Variants in TBC1D23 observed in about 807,000 individuals in gnomAD.
TBC1D23 encodes TBC1 domain family member 23.
A neutral mutation model predicts 91.4 loss-of-function variants in TBC1D23; 55 were observed. The observed-to-expected ratio is 0.60, with a 90% CI of 0.48 to 0.75. TBC1D23 has a LOEUF of 0.75. Ranked by LOEUF, TBC1D23 falls within the 30% of genes least tolerant of loss-of-function variation. TBC1D23 has a pLI of 0.00. For synonymous variants in TBC1D23, 289 were observed against 281.0 expected (o/e 1.03, Z -0.28); for missense variants, 725 against 836.1 (o/e 0.87, Z 1.64).
At chr3:100,312,552 A>G (rs1041124245) in intron 15 of TBC1D23, among the ~76,000 whole-genome samples, 15 of 152,188 alleles carry the variant, frequency 9.9e-5, no homozygotes, top group Admixed American at 2.6e-4. Context: ...TTTAAGGTTT[A>G]AAAATCTACT....
At chr3:100,262,167 T>TA (rs1178694640) in intron 1 of TBC1D23, among the ~76,000 whole-genome samples, 2 of 152,130 alleles carry the variant, frequency 1.3e-5, no homozygotes, top group Non-Finnish European at 2.9e-5. Flanking sequence ...GTGATCTAGA[T>TA]ATAGTTTTTT....
intron 1 of TBC1D23, among the ~76,000 whole-genome samples, chr3:100,278,125 A>G (rs1470951825): frequency 1.3e-5 from 2 of 152,306 alleles, no homozygotes; most frequent in East Asian, 1.9e-4. Context: ...TTAGATGCCT[A>G]TCAGTGGGGA....
At chr3:100,286,674 T>C (rs1303152839) in intron 4 of TBC1D23, among the ~76,000 whole-genome samples, 1 of 152,038 alleles carries the variant, frequency 6.6e-6, no homozygotes, top group African/African-American at 2.4e-5. Flanking sequence ...ATTTTTGTGT[T>C]TTTAGTAGAG....
At chr3:100,265,740 G>A (rs991781606) in intron 1 of TBC1D23, among the ~76,000 whole-genome samples, 11 of 152,042 alleles carry the variant, frequency 7.2e-5, no homozygotes, top group African/African-American at 2.4e-4. Flanking sequence ...CTTTTAATTA[G>A]GGTTTTTTAT....
chr3:100,290,325 C>T (rs1254431060), intron 4 of TBC1D23, among the ~76,000 whole-genome samples: 1 of 152,056 alleles, frequency 6.6e-6, no homozygotes, highest in Non-Finnish European at 1.5e-5. Flanking sequence ...TTCAGTGATC[C>T]CTGTAGTTCT....
In TBC1D23 at chr3:100,297,951, T is replaced by A. The variant is rs151171877; in HGVS notation, c.905T>A (p.Leu302Ter). The change falls in exon 9 of 19, where the codon TTG becomes TAG. Residue 302 changes from leucine to a stop codon, truncating the protein, a stop_gained. Transcript: ENST00000394144. LOFTEE classifies it high-confidence loss of function. ...AATCACCATCTCTTTGGTAGTACTT[T>A]GTTGGGAATTAAGGATGATGATGCA... ...KDNHHLFGST[L>*]LGIKDDDADL... is the part of the protein sequence containing the mutation. 1 of 1,612,184 alleles carries A rather than the reference T, an allele frequency of 6.2e-7. No homozygotes were observed. Among genetic ancestry groups the A allele is most frequent in the African/African-American group, 1.3e-5 (1 of 74,890 alleles).
chr3:100,307,078 C>A (rs1194195269), intron 13 of TBC1D23, among the ~76,000 whole-genome samples: 1 of 152,092 alleles, frequency 6.6e-6, no homozygotes, highest in Non-Finnish European at 1.5e-5. Context: ...AGTTGCCAAT[C>A]CTATTTTATT....
intron 9 of TBC1D23, among the ~76,000 whole-genome samples, chr3:100,298,525 A>G (rs1365003934): frequency 6.6e-6 from 1 of 152,182 alleles, no homozygotes; most frequent in African/African-American, 2.4e-5. Context: ...CTTTATTACT[A>G]GTAGTGCAGC....
chr3:100,262,723 CAAAAA>C (rs1174689237), intron 1 of TBC1D23, among the ~76,000 whole-genome samples: 4 of 51,422 alleles, frequency 7.8e-5, no homozygotes, highest in African/African-American at 2.2e-4. Flanking sequence ...GGCTCGGTCT[CAAAAA>C]AAAAAAAAAA....
chr3:100,272,251 AG>A (rs1480957111), intron 1 of TBC1D23, among the ~76,000 whole-genome samples: 1 of 152,206 alleles, frequency 6.6e-6, no homozygotes, highest in East Asian at 1.9e-4. Context: ...AGACAGATAA[AG>A]TAGTACATGT....
rs571238712 is a variant in TBC1D23, at chr3:100,315,368, G to A, written c.1599-731G>A. On this transcript the variant is annotated intron_variant, in intron 15 of 18. Transcript: ENST00000394144. ...GTAGAGACGGAGTTTCTCCACGTTG[G>A]TCAGGCTGGTCTTGAACTCCCGACC... Among the ~76,000 whole-genome samples the A allele has an allele frequency of 2.2e-4, 33 of 152,036 alleles. No individual in the cohort carries two copies. In the South Asian group the frequency reaches 6.2e-3, roughly 29 times the overall value.
chr3:100,300,023 T>C (rs1705395313), intron 10 of TBC1D23, among the ~76,000 whole-genome samples: 1 of 152,222 alleles, frequency 6.6e-6, no homozygotes, highest in Non-Finnish European at 1.5e-5. Context: ...GTATGAGCCA[T>C]TTTTAATCAT....
At chr3:100,289,993 A>C (rs2067775916) in intron 4 of TBC1D23, among the ~76,000 whole-genome samples, 2 of 152,282 alleles carry the variant, frequency 1.3e-5, no homozygotes, top group South Asian at 4.1e-4. Flanking sequence ...ATTCAGATCC[A>C]ATTTTTCCAT....
At chr3:100,319,349 TTACAG>T in intron 17 of TBC1D23, 145 bp downstream of exon 17, 1 of 679,274 alleles carries the variant, frequency 1.5e-6, no homozygotes, top group Non-Finnish European at 2.4e-6. Flanking sequence ...GGTCTTGAAT[TTACAG>T]TATTATGTAA....
intron 16 of TBC1D23, among the ~76,000 whole-genome samples, chr3:100,318,661 T>G (rs1007821925): frequency 1.3e-5 from 2 of 151,288 alleles, no homozygotes; most frequent in African/African-American, 4.9e-5. Flanking sequence ...TTTTTTTTTT[T>G]CTTTTTTTTG....
At chr3:100,303,472 A>G in intron 11 of TBC1D23, among the ~76,000 whole-genome samples, 1 of 152,078 alleles carries the variant, frequency 6.6e-6, no homozygotes, top group East Asian at 1.9e-4. Context: ...TAACTGGTCT[A>G]CTCTAAAAAT....
At chr3:100,291,796 C>CTTTTTTTTTTTTTTTTTGTT (rs576623040) in intron 5 of TBC1D23, among the ~76,000 whole-genome samples, 1 of 131,664 alleles carries the variant, frequency 7.6e-6, no homozygotes, top group Non-Finnish European at 1.6e-5. Context: ...TTTTTTTTTT[C>CTTTTTTTTTTTTTTTTTGTT]TTTTTTTTTT....
intron 4 of TBC1D23, among the ~76,000 whole-genome samples, chr3:100,288,365 A>C (rs1189446757): frequency 6.6e-6 from 1 of 152,190 alleles, no homozygotes; most frequent in Non-Finnish European, 1.5e-5. Flanking sequence ...CCCTACAAAA[A>C]TACCACTTGT....
At chr3:100,306,405 AG>A in intron 12 of TBC1D23, 31 bp from the exon 13 acceptor site, 1 of 1,277,958 alleles carries the variant, frequency 7.8e-7, no homozygotes, top group Non-Finnish European at 1.1e-6. Flanking sequence ...TTGATATTTT[AG>A]GTTTTTCTTT....
Sources: gnomAD v4.1 joint callset for allele counts (sites outside exome capture counted in the v4.1 genomes callset) on GRCh38, gnomAD v4.1.1 for gene constraint, MANE v1.5 for transcripts, NCBI Gene and HGNC (gene_info 2026-07-23, HGNC 2026-07-21) for gene names.